The following DPH1 variants were observed in gnomAD, a reference collection of about 807,000 sequenced individuals.
DPH1 encodes diphthamide biosynthesis 1, also known as 2-(3-amino-3-carboxypropyl)histidine synthase subunit 1.
In DPH1, 59 loss-of-function variants were observed where a neutral mutation model predicts 55.3. That is an observed-to-expected ratio of 1.07 (90% CI 0.87 to 1.33). The LOEUF (loss-of-function observed/expected upper bound fraction) is 1.33, where lower values mean the gene tolerates loss of function less well. DPH1 is among the 40% of genes most tolerant of loss of function. DPH1 has a pLI of 0.00. For synonymous variants in DPH1, 238 were observed against 235.5 expected (o/e 1.01, Z -0.10); for missense variants, 628 against 584.8 (o/e 1.07, Z -0.76).
Position 2,041,109 on chromosome 17 carries a change from G to A in DPH1, c.1014G>A (p.Val338=), listed in dbSNP as rs1201084980. 4 of 1,601,050 alleles carry A rather than the reference G, an allele frequency of 2.5e-6. No homozygotes were observed. Among genetic ancestry groups the A allele is most frequent in the South Asian group, 1.1e-5 (1 of 88,890 alleles). The change falls in exon 10 of 13, where the codon GTG becomes GTA. Residue 338 remains valine, a synonymous_variant. Coordinates refer to ENST00000263083, the MANE Select transcript of DPH1 (RefSeq NM_001383.6). ...ACCTGGCTTCCCTTCCCAGGTGGGTGCAGGTGGCATGTCCACGTCTCTCCA... is the reference window on the plus strand; with the variant it reads ...ACCTGGCTTCCCTTCCCAGGTGGGTACAGGTGGCATGTCCACGTCTCTCCA... The part of the protein sequence containing the change: ...LSLLPEVDVW[V]QVACPRLSID...
chr17:2,037,189 G>C (rs1002785551), intron 6 of DPH1: 12 of 471,966 alleles, frequency 2.5e-5, no homozygotes, highest in Non-Finnish European at 1.4e-5. Flanking sequence ...AGGAATCAGA[G>C]GGCCTGATGG....
At position 2,033,434 on chromosome 17, in the gene DPH1, G is replaced by A. The variant is rs755281827; in HGVS notation, c.62-71G>A. 1.9e-6 allele frequency: 3 copies of A among 1,608,408 alleles called. No homozygotes were observed. In the African/African-American group the frequency reaches 4.0e-5, roughly 21 times the overall value. On this transcript the variant is annotated intron_variant, in intron 1 of 12. Coordinates refer to ENST00000263083, the MANE Select transcript of DPH1 (RefSeq NM_001383.6). ...GGGGGCACCGGCAGGCCCTGAAAAG[G>A]GATCCCTATTCCATCTCAATCTGGC...
chr17:2,041,616 G>C lies in DPH1; in HGVS notation c.1222G>C (p.Gly408Arg), dbSNP rs753535025. 1.8e-5 allele frequency: 29 copies of C among 1,604,064 alleles called. No homozygotes were observed. Among genetic ancestry groups the C allele is most frequent in the Non-Finnish European group, 2.4e-5 (28 of 1,176,148 alleles). ...CCACGCCCCGGGCCGGCCCGCGCGG[G>C]GGAAGGTAGGCGGGGGCTTCCAGGA... ...RPHAPGRPAR[G>R]KVQEGSARPP... Residue 408 changes from glycine (G) to arginine (R), a missense_variant, in exon 11 of 13, where the codon GGG becomes CGG. Physicochemically the swap from Gly to Arg is moderately radical, Grantham distance 125. Transcript: ENST00000263083.
chr17:2,038,453 G>T (rs1043502098), intron 6 of DPH1, among the ~76,000 whole-genome samples: 1 of 152,140 alleles, frequency 6.6e-6, no homozygotes, highest in Non-Finnish European at 1.5e-5. Context: ...CCCAACCCCT[G>T]GTCCCATGTC....
Position 2,035,976 on chromosome 17 carries a change from G to T in DPH1, c.285G>T (p.Thr95=), listed in dbSNP as rs573260759. Reference sequence around the variant, plus strand: ...CCCGCCCCTGTGCCCGCAGGTTCACGGAGGCCGAAGTGATGGTGATGGGTG... The same window carrying T: ...CCCGCCCCTGTGCCCGCAGGTTCACTGAGGCCGAAGTGATGGTGATGGGTG... ...CTIVDILERF[T]EAEVMVMGDV... is the part of the protein sequence containing the mutation. The change falls in exon 4 of 13, where the codon ACG becomes ACT. Residue 95 remains threonine (T), a synonymous_variant. Transcript: ENST00000263083. 6.2e-7 allele frequency: 1 copy of T among 1,613,868 alleles called. No homozygotes were observed. Among genetic ancestry groups the T allele is most frequent in the East Asian group, 2.2e-5 (1 of 44,878 alleles).
chr17:2,040,539 C>G lies in DPH1; in HGVS notation c.941C>G (p.Ser314Cys), dbSNP rs781752622. The change falls in exon 9 of 13, where the codon TCC (serine) becomes TGC (cysteine). Residue 314 changes from serine to cysteine, a missense_variant. Ser to Cys is a moderately radical substitution (Grantham distance 112, BLOSUM62 -1). Transcript: ENST00000263083. The part of the protein sequence containing the change: ...LESRLRALGL[S>C]FVRLLLSEIF... ...TCTCGACTCCGAGCCTTGGGCCTTT[C>G]CTTTGTGAGGCTGCTGCTCTCTGAG... The G allele has an allele frequency of 1.9e-6, 3 of 1,614,220 alleles. No individual in the cohort carries two copies. Among genetic ancestry groups the G allele is most frequent in the Non-Finnish European group, 1.7e-6 (2 of 1,180,042 alleles).
intron 6 of DPH1, 53 bp downstream of exon 6, chr17:2,037,009 G>A: frequency 6.4e-7 from 1 of 1,562,146 alleles, no homozygotes. Flanking sequence ...TGTACCCTGG[G>A]AGGGAGCCTG....
At position 2,041,834 on chromosome 17, in the gene DPH1, A is replaced by G. The variant is rs752571174; in HGVS notation, c.1294A>G (p.Lys432Glu). Residue 432 changes from lysine to glutamate, a missense_variant, in exon 12 of 13, where the codon AAG becomes GAG. Coordinates refer to ENST00000263083, the MANE Select transcript of DPH1 (RefSeq NM_001383.6). Reference sequence around the variant, plus strand: ...CGAGGACTGCAGCTGCAGGGACGAGAAGGTGGCGCCGCTGGCTCCTTGACG... The same window carrying G: ...CGAGGACTGCAGCTGCAGGGACGAGGAGGTGGCGCCGCTGGCTCCTTGACG... Reference protein sequence around the residue: ...ACEDCSCRDEKVAPLAP With the variant: ...ACEDCSCRDEEVAPLAP 3 of 1,603,142 alleles carry G rather than the reference A, an allele frequency of 1.9e-6. No homozygotes were observed. The highest frequency in any genetic ancestry group is 2.7e-5 in the African/African-American group (2 of 74,638).
Position 2,036,249 on chromosome 17 carries a change from T to C in DPH1, c.400+158T>C, listed in dbSNP as rs3752962. 400,400 of 1,346,048 alleles carry C rather than the reference T, an allele frequency of 0.3. 61,887 individuals carry two copies. Among genetic ancestry groups the C allele is most frequent in the Admixed American group, 0.39 (15,009 of 38,008 alleles). 83.4% of individuals were successfully genotyped at this position (1,346,048 alleles called of 1,614,324 possible). A position where few individuals can be genotyped will look rare whatever the true frequency, so the allele number is the denominator to read the frequency against. On this transcript the variant is annotated intron_variant, in intron 4 of 12. Coordinates refer to ENST00000263083, the MANE Select transcript of DPH1 (RefSeq NM_001383.6). The surrounding 1 kb of genome is among the most constrained non-coding windows in gnomAD (Gnocchi z 4.8). ...TCTGCCTTCCCGCTCTGCAGGTAGA[T>C]CTTTCCTTTGGATTTGGTTGCCTTG...
At chr17:2,042,364 C>T in intron 12 of DPH1, 3 of 1,324,066 alleles carry the variant, frequency 2.3e-6, no homozygotes, top group Non-Finnish European at 2.0e-6. Context: ...TCATTTCTCG[C>T]GACCCATACC....
chr17:2,034,363 G>A (rs1279370150), intron 3 of DPH1, among the ~76,000 whole-genome samples: 1 of 151,904 alleles, frequency 6.6e-6, no homozygotes, highest in Non-Finnish European at 1.5e-5. Context: ...CCTTGGTGGG[G>A]AGGGTGAGAG....
In DPH1 at chr17:2,041,587, G is replaced by T; in HGVS notation, c.1193G>T (p.Arg398Leu). Residue 398 changes from arginine to leucine, a missense_variant, in exon 11 of 13, where the codon CGT becomes CTT. By Grantham distance (102) the Arg-to-Leu change is moderately radical (BLOSUM62 -2). Coordinates refer to ENST00000263083, the MANE Select transcript of DPH1 (RefSeq NM_001383.6). Reference protein sequence around the residue: ...PWTVNHGQDRRPHAPGRPARG... With the variant: ...PWTVNHGQDRLPHAPGRPARG... ...ACGGTGAACCACGGCCAGGACCGCC[G>T]TCCCCACGCCCCGGGCCGGCCCGCG... The T allele has an allele frequency of 6.2e-7, 1 of 1,609,756 alleles. No homozygotes were observed. The highest frequency in any genetic ancestry group is 8.5e-7 in the Non-Finnish European group (1 of 1,178,390).
Position 2,036,569 on chromosome 17 carries a change from C to A in DPH1, c.441C>A (p.Tyr147Ter). The change falls in exon 5 of 13, where the codon TAC becomes TAA. Residue 147 changes from tyrosine to a stop codon, truncating the protein, a stop_gained. Transcript: ENST00000263083. LOFTEE classifies it high-confidence loss of function. This position sits in a 1 kb window ranked among gnomAD's most constrained non-coding sequence, Gnocchi z 4.8. The part of the protein sequence containing the change: ...DTSAQDFRVL[Y>*]VFVDIRIDTT... ...CGGCCCAAGACTTCCGGGTGCTGTACGTCTTTGTGGACATCCGGATAGACA... is the reference window on the plus strand; with the variant it reads ...CGGCCCAAGACTTCCGGGTGCTGTAAGTCTTTGTGGACATCCGGATAGACA... 6.2e-7 allele frequency: 1 copy of A among 1,614,102 alleles called. No homozygotes were observed. Among genetic ancestry groups the A allele is most frequent in the Non-Finnish European group, 8.5e-7 (1 of 1,179,992 alleles).
At chr17:2,042,002 G>C in intron 12 of DPH1, 127 bp downstream of exon 12, 1 of 1,488,922 alleles carries the variant, frequency 6.7e-7, no homozygotes, top group Non-Finnish European at 8.9e-7. Flanking sequence ...GCTTCCGCTC[G>C]GGGAAAGACC....
chr17:2,034,644 C>T (rs1351746484), intron 3 of DPH1, among the ~76,000 whole-genome samples: 5 of 26,254 alleles, frequency 1.9e-4, no homozygotes, highest in Non-Finnish European at 4.0e-4. Context: ...CTCCCCTTCC[C>T]CCTCCCCTGC....
rs1202692867 is a variant in DPH1, at chr17:2,041,193, C to G, written c.1086+12C>G. The G allele has an allele frequency of 6.3e-7, 1 of 1,598,326 alleles. No homozygotes were observed. Among genetic ancestry groups the G allele is most frequent in the African/African-American group, 1.3e-5 (1 of 74,766 alleles). The stretch of plus-strand genomic sequence containing the variant: ...TGACACCCTATGAGGTAACACCAAG[C>G]TCTGGGAGAGAGTGGGCTTTGGACG... On this transcript the variant is annotated intron_variant, in intron 10 of 12. Coordinates refer to ENST00000263083, the MANE Select transcript of DPH1 (RefSeq NM_001383.6).
chr17:2,042,003 G>A (rs1173113722), intron 12 of DPH1, 128 bp downstream of exon 12: 2 of 1,491,578 alleles, frequency 1.3e-6, no homozygotes, highest in Admixed American at 2.2e-5. Context: ...CTTCCGCTCG[G>A]GGAAAGACCG....
intron 11 of DPH1, 30 bp from the exon 12 acceptor site, chr17:2,041,738 C>G (rs1422411388): frequency 3.1e-6 from 5 of 1,591,010 alleles, no homozygotes; most frequent in Non-Finnish European, 4.3e-6. Flanking sequence ...GTCGCAGGAG[C>G]GAGACCCTAA....
In DPH1 at chr17:2,036,390, T is replaced by C. The variant is rs149624872; in HGVS notation, c.401-139T>C. On this transcript the variant is annotated intron_variant, in intron 4 of 12. Coordinates refer to ENST00000263083, the MANE Select transcript of DPH1 (RefSeq NM_001383.6). This position sits in a 1 kb window ranked among gnomAD's most constrained non-coding sequence, Gnocchi z 4.8. ...TGAGAAGGAGCTTCTAGGGGATCTG[T>C]GACCCCCCTCTTCTCCTACCCTGTC... 3.1e-4 allele frequency: 373 copies of C among 1,190,636 alleles called. No homozygotes were observed. The African/African-American group carries it at 3.7e-3, about 12-fold the overall frequency. 73.8% of individuals were successfully genotyped at this position (1,190,636 alleles called of 1,614,324 possible).
Sources: gnomAD v4.1 joint callset for allele counts (sites outside exome capture counted in the v4.1 genomes callset) on GRCh38, gnomAD v4.1.1 for gene constraint, Gnocchi (gnomAD v3.1) non-coding constraint, MANE v1.5 for transcripts, NCBI Gene and HGNC (gene_info 2026-07-23, HGNC 2026-07-21) for gene names.